GTF2I: variants seen among roughly 807,000 people sequenced by gnomAD.
GTF2I encodes general transcription factor II-I.
In GTF2I, 12 loss-of-function variants were observed where a neutral mutation model predicts 67.6. The observed-to-expected ratio is 0.18, with a 90% CI of 0.11 to 0.29. The LOEUF (loss-of-function observed/expected upper bound fraction) is 0.29. Among genes scored for constraint, GTF2I ranks in the 10% least tolerant of loss-of-function variants. The pLI, the probability that GTF2I is intolerant of heterozygous loss-of-function variation, is 1.00. For missense variants in GTF2I, 271 were observed against 580.1 expected (o/e 0.47, Z 5.47); for synonymous variants, 149 against 197.0 (o/e 0.76, Z 2.04).
At chr7:74,671,510 T>C (rs995469930) in intron 1 of GTF2I, among the ~76,000 whole-genome samples, 7 of 151,968 alleles carry the variant, frequency 4.6e-5, no homozygotes, top group African/African-American at 1.7e-4. Flanking sequence ...CACCATACTA[T>C]AAAGCTTTAA....
intron 6 of GTF2I, among the ~76,000 whole-genome samples, chr7:74,703,610 C>G (rs1389644976): frequency 1.3e-5 from 2 of 152,168 alleles, no homozygotes; most frequent in African/African-American, 4.8e-5. Context: ...AAACTCCAGA[C>G]CTCAGGTGAT....
At chr7:74,706,917 C>T (rs1194993050) in intron 8 of GTF2I, among the ~76,000 whole-genome samples, 1 of 152,150 alleles carries the variant, frequency 6.6e-6, no homozygotes, top group African/African-American at 2.4e-5. Flanking sequence ...GTGGCACGAC[C>T]TCGGCTCACT....
chr7:74,714,254 A>T (rs902155099), intron 9 of GTF2I, among the ~76,000 whole-genome samples: 1 of 152,148 alleles, frequency 6.6e-6, no homozygotes, highest in African/African-American at 2.4e-5. Flanking sequence ...AACTCAGAGT[A>T]CTTTCTGTGT....
At chr7:74,758,043 TTTCTTC>T (rs782066391) in intron 33 of GTF2I, 43 bp downstream of exon 33, 8 of 179,024 alleles carry the variant, frequency 4.5e-5, no homozygotes, top group Non-Finnish European at 6.6e-5. Flanking sequence ...AGACTTCTTC[TTTCTTC>T]TTCTTCTTTT....
chr7:74,710,878 C>G (rs1791455543), intron 8 of GTF2I, among the ~76,000 whole-genome samples, 154 bp from the exon 9 acceptor site: 1 of 152,106 alleles, frequency 6.6e-6, no homozygotes, highest in Non-Finnish European at 1.5e-5. Context: ...TTACCTTCTG[C>G]TACCTAGCAA....
chr7:74,703,191 T>G (rs1005347096), intron 6 of GTF2I, among the ~76,000 whole-genome samples: 1 of 152,104 alleles, frequency 6.6e-6, no homozygotes, highest in Non-Finnish European at 1.5e-5. Flanking sequence ...AAAAAAAATT[T>G]TTTTTTTCTT....
At chr7:74,714,320 G>A (rs1791987172) in intron 9 of GTF2I, among the ~76,000 whole-genome samples, 1 of 152,040 alleles carries the variant, frequency 6.6e-6, no homozygotes. Flanking sequence ...AAGGGAGAAT[G>A]AATTAATAGC....
chr7:74,685,875 A>C lies in GTF2I; in HGVS notation c.-5-3249A>C, dbSNP rs587597332. Among the ~76,000 whole-genome samples, 188 of 151,554 alleles carry C rather than the reference A, an allele frequency of 1.2e-3. 1 individual carries two copies. The highest frequency in any genetic ancestry group is 2.4e-3 in the Non-Finnish European group (163 of 67,884). ...GATACCATCCTGGCTAACATGGTGA[A>C]AACCCGTCTCTACTAAAAAACACAA... On this transcript the variant is annotated intron_variant, in intron 1 of 34. Coordinates refer to ENST00000573035, the MANE Select transcript of GTF2I (RefSeq NM_032999.4).
chr7:74,686,251 G>A (rs1392664045), intron 1 of GTF2I, among the ~76,000 whole-genome samples: 1 of 152,162 alleles, frequency 6.6e-6, no homozygotes, highest in Non-Finnish European at 1.5e-5. Flanking sequence ...TGTTACTTAG[G>A]TGTGAAAAGT....
At chr7:74,700,530 G>C (rs1160230690) in intron 5 of GTF2I, 76 bp from the exon 6 acceptor site, 1 of 1,592,558 alleles carries the variant, frequency 6.3e-7, no homozygotes, top group East Asian at 2.2e-5. Context: ...ATTTAACACA[G>C]AAGTCATTTA....
chr7:74,753,181 A>T lies in GTF2I; in HGVS notation c.2641+4A>T, dbSNP rs587662400. On this transcript the variant is annotated splice_donor_region_variant and intron_variant, in intron 29 of 34. Transcript: ENST00000573035. ...GACCTCTTTAGTCGGAAATTTGGTA[A>T]GTTTTGCATTTGCAAAGTACAGTTG... 6.2e-7 allele frequency: 1 copy of T among 1,603,266 alleles called. No individual in the cohort carries two copies. The highest frequency in any genetic ancestry group is 1.3e-5 in the African/African-American group (1 of 74,636).
At chr7:74,706,726 A>G (rs1554401529) in intron 8 of GTF2I, among the ~76,000 whole-genome samples, 2 of 152,178 alleles carry the variant, frequency 1.3e-5, no homozygotes, top group African/African-American at 4.8e-5. Flanking sequence ...GCTGTTCTAT[A>G]GTGCTTTTTA....
chr7:74,707,145 C>A (rs981498859), intron 8 of GTF2I, among the ~76,000 whole-genome samples: 1 of 152,230 alleles, frequency 6.6e-6, no homozygotes, highest in Non-Finnish European at 1.5e-5. Flanking sequence ...CCACCGTGCC[C>A]GGCCCCCGTT....
At chr7:74,673,700 T>G (rs1459101634) in intron 1 of GTF2I, among the ~76,000 whole-genome samples, 2 of 143,588 alleles carry the variant, frequency 1.4e-5, no homozygotes, top group East Asian at 2.1e-4. Flanking sequence ...TTTTTTTTTT[T>G]GAGACCAGTC....
chr7:74,723,217 A>G (rs375471186), intron 12 of GTF2I, among the ~76,000 whole-genome samples: 1 of 138,146 alleles, frequency 7.2e-6, no homozygotes, highest in Non-Finnish European at 1.5e-5. Context: ...CCTGCCTCCC[A>G]GGTTTAAGCA....
intron 12 of GTF2I, among the ~76,000 whole-genome samples, chr7:74,723,512 C>A: frequency 7.3e-6 from 1 of 136,878 alleles, no homozygotes; most frequent in East Asian, 2.4e-4. Flanking sequence ...TTCTCCGCAG[C>A]CTCCGCCTCC....
intron 1 of GTF2I, among the ~76,000 whole-genome samples, chr7:74,680,130 GTATA>G (rs1317182136): frequency 3.6e-5 from 4 of 111,054 alleles, no homozygotes; most frequent in African/African-American, 1.4e-4. Context: ...ATGTATGTAT[GTATA>G]TACACATATA....
rs1225904374 is a variant in GTF2I, at chr7:74,680,079, C to CAAAAA, written c.-5-9028_-5-9024dup. Among the ~76,000 whole-genome samples, 158 of 30,466 alleles carry CAAAAA rather than the reference C, an allele frequency of 5.2e-3. 1 individual carries two copies. Among genetic ancestry groups the CAAAAA allele is most frequent in the East Asian group, 0.018 (7 of 390 alleles). 20.0% of individuals were successfully genotyped at this position (30,466 alleles called of 152,430 possible). On this transcript the variant is annotated intron_variant, in intron 1 of 34. Transcript: ENST00000573035. ...GGGTGACAAGAGCCAGAGTCCATCT[C>CAAAAA]AAAAAAAAAAAAAAAAAAAAATATA...
rs781871373 is a variant in GTF2I, at chr7:74,679,531, C to T, written c.-5-9593C>T. Among the ~76,000 whole-genome samples, 5 of 152,280 alleles carry T rather than the reference C, an allele frequency of 3.3e-5. No homozygotes were observed. The South Asian group carries it at 8.3e-4, about 25-fold the overall frequency. On this transcript the variant is annotated intron_variant, in intron 1 of 34. Transcript: ENST00000573035. The stretch of plus-strand genomic sequence containing the variant: ...CGTTTATGATGAGTGGCAGTTAATT[C>T]TCTGCTGAAAGACTGTGTAGTATTA...
Sources: allele counts gnomAD v4.1 joint callset (sites outside exome capture counted in the v4.1 genomes callset), GRCh38; gene constraint gnomAD v4.1.1; transcripts MANE v1.5; gene names NCBI Gene and HGNC (gene_info 2026-07-23, HGNC 2026-07-21).